The following SLC25A27 variants were observed in gnomAD, a reference collection of about 807,000 sequenced individuals.
SLC25A27 encodes solute carrier family 25 member 27.
SLC25A27 carries 35 observed loss-of-function variants against 49.1 expected under a neutral mutation model. That is an observed-to-expected ratio of 0.71 (90% CI 0.54 to 0.95). The LOEUF (loss-of-function observed/expected upper bound fraction) is 0.95. SLC25A27 is among the 40% of genes least tolerant of loss of function. The pLI is 0.00. For missense variants in SLC25A27, 339 were observed against 397.1 expected, an observed-to-expected ratio of 0.85 and a Z score of 1.24; for synonymous variants, 144 against 136.9, an observed-to-expected ratio of 1.05 and a Z score of -0.36.
intron 5 of SLC25A27, among the ~76,000 whole-genome samples, chr6:46,667,481 C>T (rs1261207882): frequency 2.6e-5 from 4 of 152,224 alleles, no homozygotes; most frequent in Admixed American, 2.0e-4. Context: ...CCTCCCCTGG[C>T]TTCTGCTCTT....
At chr6:46,654,426 T>C (rs2150628773) in intron 1 of SLC25A27, among the ~76,000 whole-genome samples, 1 of 152,314 alleles carries the variant, frequency 6.6e-6, no homozygotes, top group South Asian at 2.1e-4. Context: ...TTTACTGAAA[T>C]AAAATTCATC....
chr6:46,653,015 T>C lies in SLC25A27; in HGVS notation c.-178T>C, dbSNP rs1480394474. On this transcript the variant is annotated 5_prime_UTR_variant, in exon 1 of 9. Coordinates refer to ENST00000371347, the MANE Select transcript of SLC25A27 (RefSeq NM_004277.5). The stretch of plus-strand genomic sequence containing the variant: ...GGGGTGTAAGGGGCAGCTGGACCAC[T>C]CCAGCTGGGACTGCTAGGAAGGTTG... 5 of 629,054 alleles carry C rather than the reference T, an allele frequency of 7.9e-6. No individual in the cohort carries two copies. Among genetic ancestry groups the C allele is most frequent in the Admixed American group, 2.8e-5 (1 of 35,586 alleles). The allele number at this position is 629,054 out of a possible 1,614,324, so 39.0% of individuals were successfully genotyped here.
intron 2 of SLC25A27, 38 bp downstream of exon 2, chr6:46,656,072 G>GTTCTGTGTTTGTCTCCTGTGCT: frequency 1.9e-6 from 3 of 1,545,384 alleles, no homozygotes; most frequent in Non-Finnish European, 1.8e-6. Flanking sequence ...TTTGTTATGA[G>GTTCTGTGTTTGTCTCCTGTGCT]TTCTGTGTTT....
chr6:46,664,538 G>A (rs1439998277), intron 4 of SLC25A27, among the ~76,000 whole-genome samples: 1 of 152,114 alleles, frequency 6.6e-6, no homozygotes, highest in Non-Finnish European at 1.5e-5. Context: ...ATGATACAGT[G>A]TATAAAGATT....
chr6:46,676,544 C>G lies in SLC25A27; in HGVS notation c.*90C>G. The G allele has an allele frequency of 1.2e-6, 2 of 1,606,632 alleles. No homozygotes were observed. Among genetic ancestry groups the G allele is most frequent in the Non-Finnish European group, 1.7e-6 (2 of 1,175,730 alleles). ...CACATACCCCCTATTATTTCTACCT[C>G]TTTAGGAAGACACCTATTCCACAGA... On this transcript the variant is annotated 3_prime_UTR_variant, in exon 9 of 9. Transcript: ENST00000371347.
intron 4 of SLC25A27, among the ~76,000 whole-genome samples, chr6:46,664,227 C>A (rs1582505340): frequency 6.6e-6 from 1 of 152,174 alleles, no homozygotes; most frequent in East Asian, 1.9e-4. Flanking sequence ...CTTCATCTAT[C>A]TATAGAGAAA....
chr6:46,655,957 C>T lies in SLC25A27; in HGVS notation c.221C>T (p.Thr74Ile). The stretch of plus-strand genomic sequence containing the variant: ...GCCCCCTATAGGGGAATGGTGCGCA[C>T]AGCTCTAGGGATCATTGAAGAGGAA... ...ESAPYRGMVRTALGIIEEEGF... is the reference protein window; with the variant it reads ...ESAPYRGMVRIALGIIEEEGF... The change falls in exon 2 of 9, where the codon ACA becomes ATA. Residue 74 changes from threonine (T) to isoleucine (I), a missense_variant. Physicochemically the swap from Thr to Ile is moderately conservative, Grantham distance 89 (BLOSUM62 -1). Coordinates refer to ENST00000371347, the MANE Select transcript of SLC25A27 (RefSeq NM_004277.5). The T allele has an allele frequency of 6.2e-7, 1 of 1,613,834 alleles. No individual in the cohort carries two copies. Among genetic ancestry groups the T allele is most frequent in the Non-Finnish European group, 8.5e-7 (1 of 1,179,924 alleles).
intron 3 of SLC25A27, among the ~76,000 whole-genome samples, chr6:46,661,313 A>G (rs571049938): frequency 6.6e-6 from 1 of 152,244 alleles, no homozygotes; most frequent in Non-Finnish European, 1.5e-5. Context: ...GCAAATTGAT[A>G]AAGGTTTTCT....
At chr6:46,661,614 G>C (rs1392243355) in intron 3 of SLC25A27, among the ~76,000 whole-genome samples, 2 of 152,214 alleles carry the variant, frequency 1.3e-5, no homozygotes, top group Non-Finnish European at 2.9e-5. Flanking sequence ...TAGTGTTTAA[G>C]ACTGTGGGCT....
chr6:46,670,066 C>G, intron 6 of SLC25A27, 69 bp from the exon 7 acceptor site: 1 of 915,142 alleles, frequency 1.1e-6, no homozygotes, highest in Non-Finnish European at 1.7e-6. Flanking sequence ...TTTCTGAATA[C>G]CACATTCCCT....
chr6:46,676,235 G>A lies in SLC25A27; in HGVS notation c.901-148G>A, dbSNP rs142422144. 1.1e-3 allele frequency: 684 copies of A among 608,324 alleles called. 2 individuals are homozygous for A. Among genetic ancestry groups the A allele is most frequent in the Middle Eastern group, 6.8e-3 (23 of 3,392 alleles). 37.7% of individuals were successfully genotyped at this position (608,324 alleles called of 1,614,324 possible). The stretch of plus-strand genomic sequence containing the variant: ...TAAAAAATGCTTTGTAAATTATAAA[G>A]TCCTTTACAAAGGTGAAATACCAAA... On this transcript the variant is annotated intron_variant, in intron 8 of 8. Transcript: ENST00000371347.
intron 1 of SLC25A27, among the ~76,000 whole-genome samples, chr6:46,655,081 T>A (rs1762929517): frequency 6.6e-6 from 1 of 152,128 alleles, no homozygotes; most frequent in Non-Finnish European, 1.5e-5. Flanking sequence ...AACCAAAAAA[T>A]TTTTCCAAAA....
At chr6:46,654,265 A>G (rs1260270992) in intron 1 of SLC25A27, 6 of 290,664 alleles carry the variant, frequency 2.1e-5, no homozygotes, top group Non-Finnish European at 3.1e-5. Context: ...TGTAAATGTT[A>G]GTTGGTCCTA....
At chr6:46,672,117 T>G (rs1361400738) in intron 8 of SLC25A27, among the ~76,000 whole-genome samples, 1 of 152,160 alleles carries the variant, frequency 6.6e-6, no homozygotes, top group African/African-American at 2.4e-5. Context: ...AAGCACAGCC[T>G]AAGCTGGCAA....
intron 6 of SLC25A27, among the ~76,000 whole-genome samples, chr6:46,669,051 A>G (rs1485321830): frequency 6.6e-6 from 1 of 152,118 alleles, no homozygotes; most frequent in African/African-American, 2.4e-5. Flanking sequence ...ACAGGCTATG[A>G]TGATGGACTC....
chr6:46,663,208 C>T (rs1016500219), intron 4 of SLC25A27, among the ~76,000 whole-genome samples: 3 of 152,026 alleles, frequency 2.0e-5, no homozygotes, highest in Admixed American at 6.6e-5. Flanking sequence ...ATGGATAGAC[C>T]TTTCCCAGAA....
chr6:46,663,216 G>C (rs963603698), intron 4 of SLC25A27, among the ~76,000 whole-genome samples: 1 of 152,048 alleles, frequency 6.6e-6, no homozygotes, highest in Non-Finnish European at 1.5e-5. Context: ...ACCTTTCCCA[G>C]AAAAAAGGTA....
At chr6:46,653,564 G>C in intron 1 of SLC25A27, 1 of 985,452 alleles carries the variant, frequency 1.0e-6, no homozygotes, top group African/African-American at 1.7e-5. Flanking sequence ...GAAGCTTCGC[G>C]AGCTGTCATT....
intron 8 of SLC25A27, among the ~76,000 whole-genome samples, chr6:46,672,116 C>G (rs1763573143): frequency 6.6e-6 from 1 of 152,040 alleles, no homozygotes; most frequent in Non-Finnish European, 1.5e-5. Context: ...TAAGCACAGC[C>G]TAAGCTGGCA....
Sources: allele counts gnomAD v4.1 joint callset (sites outside exome capture counted in the v4.1 genomes callset), GRCh38; gene constraint gnomAD v4.1.1; transcripts MANE v1.5; gene names NCBI Gene and HGNC (gene_info 2026-07-23, HGNC 2026-07-21).